CSMD3: variants seen among roughly 807,000 people sequenced by gnomAD.
The protein encoded by CSMD3 is CUB and Sushi multiple domains 3.
In CSMD3, 177 loss-of-function variants were observed where a neutral mutation model predicts 435.2. The observed-to-expected ratio is 0.41, with a 90% CI of 0.36 to 0.46. The LOEUF is 0.46. Ranked by LOEUF, CSMD3 falls within the 20% of genes least tolerant of loss-of-function variation. The pLI, the probability that CSMD3 is intolerant of heterozygous loss-of-function variation, is 0.34. For missense variants in CSMD3, 4,265 were observed against 4,504.6 expected, an observed-to-expected ratio of 0.95 and a Z score of 1.52; for synonymous variants, 1,656 against 1,520.5, an observed-to-expected ratio of 1.09 and a Z score of -2.07.
chr8:112,640,079 G>A (rs2074780643), intron 20 of CSMD3, among the ~76,000 whole-genome samples: 1 of 152,056 alleles, frequency 6.6e-6, no homozygotes, highest in Non-Finnish European at 1.5e-5. Flanking sequence ...TTGAAAATCT[G>A]GGGCTTTTTA....
intron 50 of CSMD3, chr8:112,310,229 T>G (rs906040103): frequency 1.3e-5 from 2 of 152,364 alleles, no homozygotes; most frequent in Non-Finnish European, 2.9e-5. Flanking sequence ...TGTTTTGTTT[T>G]GTTTTTTGAG....
At chr8:112,894,001 T>G (rs935968388) in intron 10 of CSMD3, among the ~76,000 whole-genome samples, 1 of 151,314 alleles carries the variant, frequency 6.6e-6, no homozygotes, top group Non-Finnish European at 1.5e-5. Flanking sequence ...TAAGAGAGAC[T>G]CCCAGGGTAA....
intron 3 of CSMD3, among the ~76,000 whole-genome samples, chr8:113,244,773 T>A (rs1470872472): frequency 6.6e-6 from 1 of 152,154 alleles, no homozygotes; most frequent in African/African-American, 2.4e-5. Context: ...TTTTTTCTTG[T>A]GTTTTTGAGT....
At chr8:112,423,364 C>T (rs936441919) in intron 32 of CSMD3, among the ~76,000 whole-genome samples, 4 of 152,150 alleles carry the variant, frequency 2.6e-5, no homozygotes, top group African/African-American at 9.7e-5. Flanking sequence ...TAAGAGTCAC[C>T]TGTAATTTCA....
Position 112,954,749 on chromosome 8 carries a change from A to G in CSMD3, c.1355T>C (p.Ile452Thr). 6.3e-7 allele frequency: 1 copy of G among 1,578,502 alleles called. No individual in the cohort carries two copies. Among genetic ancestry groups the G allele is most frequent in the South Asian group, 1.1e-5 (1 of 90,148 alleles). The change falls in exon 8 of 71, where the codon ATA (isoleucine) becomes ACA (threonine). Residue 452 changes from isoleucine (I) to threonine (T), a missense_variant. By Grantham distance (89) the Ile-to-Thr change is moderately conservative (BLOSUM62 -1). Around this residue, in one of 3 missense-constraint regions of CSMD3, gnomAD observed 731 missense variants for 755.4 expected, o/e 0.97. Coordinates refer to ENST00000297405, the MANE Select transcript of CSMD3 (RefSeq NM_198123.2). ...AVVTHRVKKAIDFKSRGFKLF... is the reference protein window; with the variant it reads ...AVVTHRVKKATDFKSRGFKLF... ...TTTAAATCCTCTAGATTTAAAATCT[A>G]TGGCCTTTTTCACTAGTTAAGAAAA...
intron 21 of CSMD3, among the ~76,000 whole-genome samples, chr8:112,637,839 A>G (rs1471239915): frequency 6.6e-6 from 1 of 152,034 alleles, no homozygotes; most frequent in African/African-American, 2.4e-5. Flanking sequence ...TTCATGATAA[A>G]ATACTTTAAT....
intron 10 of CSMD3, among the ~76,000 whole-genome samples, chr8:112,910,784 C>T (rs2082389442): frequency 6.6e-6 from 1 of 151,912 alleles, no homozygotes; most frequent in African/African-American, 2.4e-5. Context: ...CATAAAGCCT[C>T]AGTTTTTTCA....
chr8:112,243,435 C>T (rs995640949), intron 65 of CSMD3, among the ~76,000 whole-genome samples: 1 of 152,056 alleles, frequency 6.6e-6, no homozygotes, highest in African/African-American at 2.4e-5. Flanking sequence ...TCCTTTACTC[C>T]TTCTTCTGGC....
intron 32 of CSMD3, among the ~76,000 whole-genome samples, chr8:112,430,936 G>A (rs1202816400): frequency 1.3e-5 from 2 of 151,056 alleles, no homozygotes; most frequent in African/African-American, 4.9e-5. Context: ...TTTCACTTGA[G>A]GTAATGAAGG....
At chr8:112,270,680 T>C (rs1177104198) in intron 59 of CSMD3, among the ~76,000 whole-genome samples, 1 of 152,110 alleles carries the variant, frequency 6.6e-6, no homozygotes, top group Non-Finnish European at 1.5e-5. Context: ...CTCACAGTTA[T>C]GTTTCTACTT....
intron 4 of CSMD3, among the ~76,000 whole-genome samples, chr8:113,162,656 G>A (rs1342449336): frequency 6.7e-6 from 1 of 148,458 alleles, no homozygotes; most frequent in African/African-American, 2.4e-5. Context: ...TTACTTGTGT[G>A]ATGTTGCACT....
At chr8:112,587,000 TTATC>T (rs1830784481) in intron 23 of CSMD3, 62 bp downstream of exon 23, 1 of 1,062,240 alleles carries the variant, frequency 9.4e-7, no homozygotes, top group Middle Eastern at 2.3e-4. Context: ...ATGTATATAT[TTATC>T]TATTGATGTA....
chr8:113,187,883 T>C (rs902485696), intron 3 of CSMD3, among the ~76,000 whole-genome samples: 1 of 152,022 alleles, frequency 6.6e-6, no homozygotes, highest in African/African-American at 2.4e-5. Flanking sequence ...TTCTCCAAAA[T>C]TGCCTTACGC....
intron 6 of CSMD3, among the ~76,000 whole-genome samples, chr8:113,007,744 G>A (rs905177973): frequency 2.0e-5 from 3 of 151,814 alleles, no homozygotes; most frequent in African/African-American, 7.2e-5. Flanking sequence ...GAATTTGTCA[G>A]TATACCTAAC....
chr8:112,318,041 A>T (rs1822635596), intron 47 of CSMD3, among the ~76,000 whole-genome samples: 1 of 152,044 alleles, frequency 6.6e-6, no homozygotes, highest in Non-Finnish European at 1.5e-5. Flanking sequence ...TGAACATCAC[A>T]GCTTAGCACA....
chr8:113,184,602 C>T (rs2092471636), intron 3 of CSMD3, among the ~76,000 whole-genome samples: 1 of 152,038 alleles, frequency 6.6e-6, no homozygotes, highest in Non-Finnish European at 1.5e-5. Flanking sequence ...TCCCTTACAT[C>T]AAAAAGACAT....
chr8:112,845,364 T>A (rs2432735), intron 11 of CSMD3, among the ~76,000 whole-genome samples: 143,210 of 152,058 alleles, frequency 0.94, 67,508 homozygotes, highest in East Asian at 1. Flanking sequence ...CCAATCTAGG[T>A]GGGAAGATAG....
At chr8:112,716,103 G>T (rs2076721294) in intron 13 of CSMD3, among the ~76,000 whole-genome samples, 1 of 152,024 alleles carries the variant, frequency 6.6e-6, no homozygotes, top group Admixed American at 6.5e-5. Flanking sequence ...AGAAATAAAG[G>T]GTATTCAAAT....
intron 13 of CSMD3, among the ~76,000 whole-genome samples, chr8:112,779,200 T>C (rs1040543634): frequency 1.3e-5 from 2 of 151,752 alleles, no homozygotes; most frequent in African/African-American, 4.8e-5. Flanking sequence ...TGTGTGTGTA[T>C]ATGTATTTAA....
Sources: gnomAD v4.1 joint callset for allele counts (sites outside exome capture counted in the v4.1 genomes callset) on GRCh38, gnomAD v4.1.1 for gene constraint, gnomAD v4.1.1 regional missense constraint, MANE v1.5 for transcripts, NCBI Gene and HGNC (gene_info 2026-07-23, HGNC 2026-07-21) for gene names.